Variants in GRM8 observed in about 807,000 individuals in gnomAD.
The protein encoded by GRM8 is metabotropic glutamate receptor 8.
A neutral mutation model predicts 87.2 loss-of-function variants in GRM8; 47 were observed. The observed-to-expected ratio is 0.54, with a 90% confidence interval of 0.43 to 0.69. The LOEUF is 0.69. Ranked by LOEUF, GRM8 falls within the 30% of genes least tolerant of loss-of-function variation. The pLI, the probability that GRM8 is intolerant of heterozygous loss-of-function variation, is 0.00. For missense variants in GRM8, 1,019 were observed against 1,139.2 expected (o/e 0.89, Z 1.52); for synonymous variants, 396 against 404.5 (o/e 0.98, Z 0.25).
At chr7:126,827,559 G>C (rs1323187671) in intron 6 of GRM8, among the ~76,000 whole-genome samples, 1 of 152,178 alleles carries the variant, frequency 6.6e-6, no homozygotes, top group Non-Finnish European at 1.5e-5. Context: ...TTTGTACTTT[G>C]ATTTTGTATC....
chr7:126,602,851 T>C lies in GRM8; in HGVS notation c.1494+6511A>G, dbSNP rs1309387215. Among the ~76,000 whole-genome samples the C allele has an allele frequency of 3.4e-3, 461 of 136,968 alleles. 3 individuals are homozygous for C. The highest frequency in any genetic ancestry group is 0.011 in the African/African-American group (425 of 38,806). 89.9% of individuals were successfully genotyped at this position (136,968 alleles called of 152,430 possible). A position where few individuals can be genotyped will look rare whatever the true frequency, so the allele number is the denominator to read the frequency against. On this transcript the variant is annotated intron_variant, in intron 8 of 10. Transcript: ENST00000339582. ...TTCCTTCTGAAACTATTCCAATCAA[T>C]AGAAAAAGAGGGAATCCTCCCTAAC...
At chr7:126,532,443 A>G (rs1180198447) in intron 9 of GRM8, among the ~76,000 whole-genome samples, 2 of 152,114 alleles carry the variant, frequency 1.3e-5, no homozygotes, top group Admixed American at 1.3e-4. Context: ...TTCCATGACT[A>G]AAATCATCAC....
At chr7:127,049,262 AG>A (rs1342788619) in intron 3 of GRM8, among the ~76,000 whole-genome samples, 1 of 152,178 alleles carries the variant, frequency 6.6e-6, no homozygotes, top group East Asian at 1.9e-4. Flanking sequence ...ATTACTGGCA[AG>A]AATGATAATA....
chr7:126,456,519 T>TAAGAAAAAAAAAAAAAAAAAAAAAAAA (rs1803246335), intron 9 of GRM8, among the ~76,000 whole-genome samples: 1 of 69,714 alleles, frequency 1.4e-5, no homozygotes, highest in Non-Finnish European at 2.5e-5. Flanking sequence ...AGCAGCAAGC[T>TAAGAAAAAAAAAAAAAAAAAAAAAAAA]AAAAAAAAAA....
intron 3 of GRM8, among the ~76,000 whole-genome samples, chr7:126,922,925 C>T (rs1366410139): frequency 1.3e-5 from 2 of 152,152 alleles, no homozygotes; most frequent in African/African-American, 2.4e-5. Context: ...CTCCCTGAGG[C>T]CTCCCCAGAA....
chr7:127,073,112 A>G (rs78354510), intron 3 of GRM8, among the ~76,000 whole-genome samples: 1,683 of 152,324 alleles, frequency 0.011, 14 homozygotes, highest in Non-Finnish European at 0.018. Flanking sequence ...TCCTCTGCCC[A>G]GAAGGCAGGA....
intron 3 of GRM8, among the ~76,000 whole-genome samples, chr7:126,987,114 A>G (rs1267677026): frequency 1.3e-5 from 2 of 152,218 alleles, no homozygotes; most frequent in Non-Finnish European, 2.9e-5. Flanking sequence ...GCTACCTCTC[A>G]ATATTCTAAA....
chr7:126,768,357 T>TAAAA (rs57868820), intron 7 of GRM8, among the ~76,000 whole-genome samples: 3,140 of 53,468 alleles, frequency 0.059, 554 homozygotes, highest in African/African-American at 0.18. Flanking sequence ...TTTGATAATG[T>TAAAA]AAAAAAAAAA....
At chr7:126,480,480 T>G (rs1806542411) in intron 9 of GRM8, among the ~76,000 whole-genome samples, 2 of 152,112 alleles carry the variant, frequency 1.3e-5, no homozygotes, top group Non-Finnish European at 2.9e-5. Context: ...AAAACTATAA[T>G]TGGTAAATTT....
At chr7:126,574,202 A>G (rs1794923716) in intron 8 of GRM8, among the ~76,000 whole-genome samples, 1 of 152,248 alleles carries the variant, frequency 6.6e-6, no homozygotes, top group African/African-American at 2.4e-5. Context: ...AGGCTTGTTC[A>G]ATGTTCCAAC....
At chr7:126,829,686 C>A (rs1367081154) in intron 6 of GRM8, among the ~76,000 whole-genome samples, 1 of 152,098 alleles carries the variant, frequency 6.6e-6, no homozygotes, top group Non-Finnish European at 1.5e-5. Context: ...TTAATTGGAG[C>A]ATTTAGTCCA....
intron 3 of GRM8, among the ~76,000 whole-genome samples, chr7:127,004,537 G>A (rs1261514631): frequency 6.6e-6 from 1 of 151,632 alleles, no homozygotes; most frequent in African/African-American, 2.4e-5. Context: ...CACCGATATT[G>A]AGGTAAAAAA....
chr7:126,481,187 A>T (rs1806632079), intron 9 of GRM8, among the ~76,000 whole-genome samples: 1 of 152,126 alleles, frequency 6.6e-6, no homozygotes, highest in South Asian at 2.1e-4. Flanking sequence ...CCCTTAAAGG[A>T]TAATTCCAAT....
chr7:126,921,724 A>G (rs1250541272), intron 3 of GRM8, among the ~76,000 whole-genome samples: 2 of 152,168 alleles, frequency 1.3e-5, no homozygotes, highest in Non-Finnish European at 2.9e-5. Flanking sequence ...CAAGTTAACT[A>G]TATATCAAGT....
At chr7:126,674,832 A>G (rs184085109) in intron 7 of GRM8, among the ~76,000 whole-genome samples, 40 of 152,272 alleles carry the variant, frequency 2.6e-4, no homozygotes, top group Admixed American at 1.6e-3. Flanking sequence ...TAATAGGGGG[A>G]AAAAAGAATC....
intron 3 of GRM8, among the ~76,000 whole-genome samples, chr7:127,017,373 T>G (rs1234895647): frequency 6.6e-6 from 1 of 152,030 alleles, no homozygotes; most frequent in African/African-American, 2.4e-5. Context: ...CTGTTCACCC[T>G]TGATCTTGCC....
At chr7:127,181,508 T>C (rs182786868) in intron 2 of GRM8, among the ~76,000 whole-genome samples, 59 of 152,148 alleles carry the variant, frequency 3.9e-4, no homozygotes, top group South Asian at 6.2e-4. Flanking sequence ...AAAATTCATA[T>C]GGAACCAAAA....
At chr7:127,051,175 G>T (rs1819431877) in intron 3 of GRM8, among the ~76,000 whole-genome samples, 2 of 152,124 alleles carry the variant, frequency 1.3e-5, no homozygotes, top group African/African-American at 4.8e-5. Flanking sequence ...GTCCCCACTT[G>T]GGATTTGTTA....
At chr7:126,782,982 C>T (rs1363841148) in intron 6 of GRM8, among the ~76,000 whole-genome samples, 3 of 152,134 alleles carry the variant, frequency 2.0e-5, no homozygotes, top group Admixed American at 2.0e-4. Flanking sequence ...GACAAGATGA[C>T]CTCCCTTGCT....
Sources: allele counts gnomAD v4.1 joint callset (sites outside exome capture counted in the v4.1 genomes callset), GRCh38; gene constraint gnomAD v4.1.1; transcripts MANE v1.5; gene names NCBI Gene and HGNC (gene_info 2026-07-23, HGNC 2026-07-21).